Variants in TYW1 observed in about 807,000 individuals in gnomAD.
TYW1 encodes S-adenosyl-L-methionine-dependent tRNA 4-demethylwyosine synthase TYW1.
In TYW1, 46 loss-of-function variants were observed where a neutral mutation model predicts 96.2. The observed-to-expected ratio is 0.48, with a 90% CI of 0.38 to 0.61. TYW1 has a LOEUF of 0.61. Ranked by LOEUF, TYW1 falls within the 20% of genes least tolerant of loss-of-function variation. The pLI is 0.00. For missense variants in TYW1, 684 were observed against 909.6 expected (o/e 0.75, Z 3.19); for synonymous variants, 274 against 323.0 (o/e 0.85, Z 1.63).
intron 3 of TYW1, among the ~76,000 whole-genome samples, chr7:67,007,210 A>G (rs899103601): frequency 8.6e-5 from 13 of 151,974 alleles, no homozygotes; most frequent in African/African-American, 2.4e-4. Flanking sequence ...TTCTTCATTT[A>G]TATAGGGTGT....
At chr7:67,129,964 T>C (rs1798013852) in intron 13 of TYW1, among the ~76,000 whole-genome samples, 1 of 152,246 alleles carries the variant, frequency 6.6e-6, no homozygotes, top group Non-Finnish European at 1.5e-5. Context: ...AAGTACAGAT[T>C]TGATAAGCTA....
chr7:67,238,966 G>GTGTC lies in TYW1; in HGVS notation c.*441_*444dup. The GTGTC allele has an allele frequency of 1.0e-6, 1 of 996,830 alleles. No individual in the cohort carries two copies. Among genetic ancestry groups the GTGTC allele is most frequent in the East Asian group, 1.0e-4 (1 of 9,764 alleles). 61.7% of individuals were successfully genotyped at this position (996,830 alleles called of 1,614,324 possible). ...TGAATTGCACTACCCTGAGCTAAAC[G>GTGTC]TGTCTGTGCTTTCTAAGATAAGAGC... is the stretch of plus-strand genomic sequence containing the variant. On this transcript the variant is annotated 3_prime_UTR_variant, in exon 16 of 16. Transcript: ENST00000359626.
chr7:67,061,508 A>G (rs1795694616), intron 9 of TYW1, among the ~76,000 whole-genome samples: 1 of 152,216 alleles, frequency 6.6e-6, no homozygotes, highest in Non-Finnish European at 1.5e-5. Context: ...CAGATTTTAG[A>G]TCTTACGTAC....
At chr7:67,180,933 T>C (rs11761027) in intron 13 of TYW1, among the ~76,000 whole-genome samples, 42,623 of 151,878 alleles carry the variant, frequency 0.28, 6,466 homozygotes, top group African/African-American at 0.4. Flanking sequence ...CGTGAGCCAC[T>C]GCGTCCGGCC....
intron 7 of TYW1, among the ~76,000 whole-genome samples, chr7:67,043,359 C>CT (rs35321806): frequency 0.38 from 54,105 of 142,932 alleles, 10,524 homozygotes; most frequent in Middle Eastern, 0.44. Context: ...CCCATTGCTA[C>CT]TTTTTTTTTT....
chr7:67,115,005 C>T (rs1359652250), intron 12 of TYW1, among the ~76,000 whole-genome samples: 2 of 152,022 alleles, frequency 1.3e-5, no homozygotes, highest in African/African-American at 4.8e-5. Context: ...TCTCAGACAT[C>T]TAGTATTGGC....
At chr7:67,117,765 T>A in intron 13 of TYW1, 147 bp downstream of exon 13, 5 of 1,215,986 alleles carry the variant, frequency 4.1e-6, no homozygotes, top group Non-Finnish European at 4.3e-6. Context: ...ACTTTCAACT[T>A]TTTAGAGACT....
intron 8 of TYW1, among the ~76,000 whole-genome samples, chr7:67,053,081 CT>C (rs35579526): frequency 0.032 from 4,095 of 129,630 alleles, 174 homozygotes; most frequent in East Asian, 0.16. Context: ...CAGTTTTAAG[CT>C]TTTTTTTTTT....
At chr7:67,065,188 T>C (rs1208023499) in intron 9 of TYW1, among the ~76,000 whole-genome samples, 1 of 152,212 alleles carries the variant, frequency 6.6e-6, no homozygotes, top group Non-Finnish European at 1.5e-5. Flanking sequence ...TCTGTGCACA[T>C]GCAGAGAGAT....
intron 3 of TYW1, among the ~76,000 whole-genome samples, chr7:67,002,929 G>A (rs1793456105): frequency 6.7e-6 from 1 of 148,660 alleles, no homozygotes; most frequent in Non-Finnish European, 1.5e-5. Flanking sequence ...GCCTCCCAAA[G>A]TGCTGGGATT....
chr7:67,101,601 C>T (rs34769409), intron 12 of TYW1, among the ~76,000 whole-genome samples: 3 of 152,104 alleles, frequency 2.0e-5, no homozygotes, highest in Non-Finnish European at 2.9e-5. Context: ...CTGCAACCTC[C>T]GCCTCCCAGA....
chr7:67,113,604 CTGTTT>C (rs1475212683), intron 12 of TYW1, among the ~76,000 whole-genome samples: 2 of 151,596 alleles, frequency 1.3e-5, no homozygotes, highest in African/African-American at 4.9e-5. Context: ...TTGACGCTTA[CTGTTT>C]TTCTTTTCTT....
At chr7:67,009,263 G>T (rs1793707253) in intron 3 of TYW1, among the ~76,000 whole-genome samples, 2 of 152,156 alleles carry the variant, frequency 1.3e-5, no homozygotes, top group African/African-American at 2.4e-5. Context: ...CTCCCAAAGT[G>T]CTGGGATTAT....
intron 7 of TYW1, among the ~76,000 whole-genome samples, chr7:67,047,343 C>G (rs188694305): frequency 5.4e-4 from 82 of 152,266 alleles, no homozygotes; most frequent in African/African-American, 1.9e-3. Context: ...CCAGCGTGGG[C>G]AACATAGCGA....
intron 10 of TYW1, among the ~76,000 whole-genome samples, chr7:67,069,073 T>A (rs1795957195): frequency 6.6e-6 from 1 of 151,694 alleles, no homozygotes; most frequent in Non-Finnish European, 1.5e-5. Context: ...GTTATAATTC[T>A]TTTTTTTTCC....
At chr7:67,219,253 G>A (rs1254604678) in intron 15 of TYW1, among the ~76,000 whole-genome samples, 1 of 152,002 alleles carries the variant, frequency 6.6e-6, no homozygotes, top group African/African-American at 2.4e-5. Context: ...ACTTGTCCAG[G>A]GCATATAATT....
intron 15 of TYW1, among the ~76,000 whole-genome samples, chr7:67,238,004 T>TGGTA (rs1201416851): frequency 2.0e-5 from 3 of 152,118 alleles, no homozygotes; most frequent in Non-Finnish European, 2.9e-5. Context: ...ATTAGTCACA[T>TGGTA]GGTAACATGG....
chr7:67,082,770 A>G (rs1438158954), intron 10 of TYW1, among the ~76,000 whole-genome samples: 1 of 151,920 alleles, frequency 6.6e-6, no homozygotes, highest in Non-Finnish European at 1.5e-5. Flanking sequence ...AAGGTTCTGC[A>G]TGGGCTCAGG....
chr7:67,175,999 T>C (rs944220312), intron 13 of TYW1, among the ~76,000 whole-genome samples: 2 of 152,142 alleles, frequency 1.3e-5, no homozygotes, highest in African/African-American at 2.4e-5. Context: ...ACATAAACAA[T>C]CCTTTCCAAA....
Sources: gnomAD v4.1 joint callset for allele counts (sites outside exome capture counted in the v4.1 genomes callset) on GRCh38, gnomAD v4.1.1 for gene constraint, MANE v1.5 for transcripts, NCBI Gene and HGNC (gene_info 2026-07-23, HGNC 2026-07-21) for gene names.